The following DCC variants were observed in gnomAD, a reference collection of about 807,000 sequenced individuals.
DCC encodes the protein DCC netrin 1 receptor, also known as netrin receptor DCC.
DCC carries 58 observed loss-of-function variants against 172.5 expected under a neutral mutation model. That is an observed-to-expected ratio of 0.34 (90% confidence interval 0.27 to 0.42). DCC has a LOEUF of 0.42. DCC is among the 10% of genes least tolerant of loss of function. DCC has a pLI of 1.00. For synonymous variants in DCC, 709 were observed against 644.5 expected (o/e 1.10, Z -1.52); for missense variants, 1,740 against 1,791.0 (o/e 0.97, Z 0.51).
chr18:53,009,629 T>C (rs11876944), intron 5 of DCC, among the ~76,000 whole-genome samples: 3,233 of 152,090 alleles, frequency 0.021, 59 homozygotes, highest in Admixed American at 0.038. Context: ...GTATAGGTCA[T>C]GGATGGCGGC....
intron 26 of DCC, among the ~76,000 whole-genome samples, chr18:53,491,334 C>T (rs1285479518): frequency 6.6e-6 from 1 of 152,106 alleles, no homozygotes; most frequent in South Asian, 2.1e-4. Flanking sequence ...AATGCATGTA[C>T]ATTCTATTAA....
In DCC at chr18:53,063,045, GT is replaced by G. The variant is rs539248943; in HGVS notation, c.986-250del. ...GATATTCAGAATGTTTATTATGTAT[GT>G]TTTTTTTTTCCAAAAAGTGTTTCCT... On this transcript the variant is annotated intron_variant, in intron 5 of 28. Transcript: ENST00000442544. Among the ~76,000 whole-genome samples, 519 of 149,204 alleles carry G rather than the reference GT, an allele frequency of 3.5e-3. 2 individuals are homozygous for G. The highest frequency in any genetic ancestry group is 8.6e-3 in the Admixed American group (128 of 14,878).
chr18:53,062,573 T>C (rs768847910), intron 5 of DCC, among the ~76,000 whole-genome samples: 1 of 152,166 alleles, frequency 6.6e-6, no homozygotes, highest in Non-Finnish European at 1.5e-5. Context: ...GGCAAGGTTT[T>C]GTGGGCTAAG....
intron 9 of DCC, among the ~76,000 whole-genome samples, chr18:53,200,219 A>T (rs1006738675): frequency 6.6e-6 from 1 of 152,218 alleles, no homozygotes; most frequent in Non-Finnish European, 1.5e-5. Flanking sequence ...TAAAGAAATT[A>T]TCAGATGGGG....
At chr18:52,705,084 A>G (rs964090083) in intron 1 of DCC, among the ~76,000 whole-genome samples, 1 of 152,182 alleles carries the variant, frequency 6.6e-6, no homozygotes, top group African/African-American at 2.4e-5. Flanking sequence ...GAAGTATGTT[A>G]TGCAAAGCAT....
intron 1 of DCC, among the ~76,000 whole-genome samples, chr18:52,342,270 T>TGTGTGTGTGC (rs1983675910): frequency 8.4e-6 from 1 of 119,064 alleles, no homozygotes; most frequent in Non-Finnish European, 1.9e-5. Context: ...AGGAGGGGTG[T>TGTGTGTGTGC]GTGTGTGTGC....
intron 12 of DCC, among the ~76,000 whole-genome samples, chr18:53,273,602 G>C (rs566936069): frequency 6.6e-6 from 1 of 152,046 alleles, no homozygotes; most frequent in Non-Finnish European, 1.5e-5. Flanking sequence ...TTGCCTGAAA[G>C]CTATTTGCAA....
chr18:52,491,224 C>T (rs1250146531), intron 1 of DCC, among the ~76,000 whole-genome samples: 2 of 152,056 alleles, frequency 1.3e-5, no homozygotes, highest in East Asian at 3.9e-4. Context: ...ATGTCATGCT[C>T]TCTACTAGGT....
At chr18:53,443,512 A>G (rs1299751783) in intron 22 of DCC, among the ~76,000 whole-genome samples, 6 of 152,360 alleles carry the variant, frequency 3.9e-5, no homozygotes, top group Admixed American at 3.3e-4. Flanking sequence ...AATGTACAAG[A>G]GATTAATGCT....
chr18:52,820,202 G>GA (rs1839964236), intron 2 of DCC, among the ~76,000 whole-genome samples: 1 of 152,140 alleles, frequency 6.6e-6, no homozygotes, highest in South Asian at 2.1e-4. Context: ...CAGAGTAAAT[G>GA]ACCAAGTATT....
Position 53,459,575 on chromosome 18 carries a change from A to G in DCC, c.3619+117A>G, listed in dbSNP as rs948446150. The G allele has an allele frequency of 4.1e-6, 3 of 733,082 alleles. No homozygotes were observed. In the African/African-American group the frequency reaches 5.2e-5, roughly 13 times the overall value. The allele number at this position is 733,082 out of a possible 1,614,324, so 45.4% of individuals were successfully genotyped here. On this transcript the variant is annotated intron_variant, in intron 24 of 28. Transcript: ENST00000442544. ...ATTTGCATGTCATTATGGGTCATTT[A>G]TCAATAGTTAAATGGATCTAATATA...
intron 1 of DCC, among the ~76,000 whole-genome samples, chr18:52,702,281 A>G (rs1568051491): frequency 6.6e-6 from 1 of 152,142 alleles, no homozygotes; most frequent in Non-Finnish European, 1.5e-5. Flanking sequence ...ATAGTTGTCC[A>G]CCAACCTCCT....
chr18:53,048,303 C>CGTCTGTG (rs2042286163), intron 5 of DCC, among the ~76,000 whole-genome samples: 1 of 151,600 alleles, frequency 6.6e-6, no homozygotes, highest in Non-Finnish European at 1.5e-5. Flanking sequence ...AAGGCCCAAG[C>CGTCTGTG]GTCTGTGGTT....
chr18:53,018,990 C>G (rs2041844617), intron 5 of DCC, among the ~76,000 whole-genome samples: 1 of 152,086 alleles, frequency 6.6e-6, no homozygotes, highest in East Asian at 1.9e-4. Flanking sequence ...AAGGAGAGTT[C>G]CAAGTTGATG....
intron 1 of DCC, among the ~76,000 whole-genome samples, chr18:52,434,857 G>C (rs947284906): frequency 6.6e-6 from 1 of 152,012 alleles, no homozygotes; most frequent in Non-Finnish European, 1.5e-5. Flanking sequence ...CTGCAGTTTC[G>C]ATAACATTGT....
rs1442253363 is a variant in DCC at position 53,215,617 on chromosome 18, A to T, written c.1911+20A>T. The stretch of plus-strand genomic sequence containing the variant: ...TCAAGAGTAAGTTGGCTAAATGTTC[A>T]CTACTCCATTACCTATCAAGATTAC... On this transcript the variant is annotated intron_variant, in intron 12 of 28. Coordinates refer to ENST00000442544, the MANE Select transcript of DCC (RefSeq NM_005215.4). 3.1e-6 allele frequency: 5 copies of T among 1,595,366 alleles called. No homozygotes were observed. The East Asian group carries it at 6.7e-5, about 21-fold the overall frequency.
At chr18:52,402,157 T>G (rs766810581) in intron 1 of DCC, among the ~76,000 whole-genome samples, 9 of 151,990 alleles carry the variant, frequency 5.9e-5, no homozygotes, top group Non-Finnish European at 8.8e-5. Flanking sequence ...AGTTTTGTTC[T>G]TTCATAGTAA....
At chr18:52,802,114 G>C (rs1377433186) in intron 2 of DCC, among the ~76,000 whole-genome samples, 1 of 151,824 alleles carries the variant, frequency 6.6e-6, no homozygotes, top group Non-Finnish European at 1.5e-5. Flanking sequence ...CTATAGCATG[G>C]CAATAAGATA....
intron 2 of DCC, among the ~76,000 whole-genome samples, chr18:52,858,945 T>A (rs1253883962): frequency 6.6e-6 from 1 of 152,200 alleles, no homozygotes; most frequent in Non-Finnish European, 1.5e-5. Context: ...TATGCATTAA[T>A]GTCAATAAGT....
Sources: allele counts gnomAD v4.1 joint callset (sites outside exome capture counted in the v4.1 genomes callset), GRCh38; gene constraint gnomAD v4.1.1; transcripts MANE v1.5; gene names NCBI Gene and HGNC (gene_info 2026-07-23, HGNC 2026-07-21).